KIF1B: variants seen among roughly 807,000 people sequenced by gnomAD.
KIF1B encodes kinesin family member 1B.
KIF1B carries 76 observed loss-of-function variants against 241.9 expected under a neutral mutation model. The ratio of observed to expected loss-of-function variants is 0.31; its 90% CI spans 0.26 to 0.38. The LOEUF (loss-of-function observed/expected upper bound fraction) is 0.38. Ranked by LOEUF, KIF1B falls within the 10% of genes least tolerant of loss-of-function variation. KIF1B has a pLI of 1.00. For missense variants in KIF1B, 1,622 were observed against 2,271.4 expected, an observed-to-expected ratio of 0.71 and a Z score of 5.81; for synonymous variants, 750 against 796.7, an observed-to-expected ratio of 0.94 and a Z score of 0.99.
At chr1:10,221,560 G>A (rs539152012) in intron 1 of KIF1B, among the ~76,000 whole-genome samples, 1 of 152,208 alleles carries the variant, frequency 6.6e-6, no homozygotes, top group East Asian at 1.9e-4. Flanking sequence ...TCCATTGTCA[G>A]CAGCACAGTG....
In KIF1B at chr1:10,225,801, G is replaced by A. The variant is rs531124424; in HGVS notation, c.-79-6449G>A. Among the ~76,000 whole-genome samples, 13 of 152,212 alleles carry A rather than the reference G, an allele frequency of 8.5e-5. No homozygotes were observed. In the East Asian group the frequency reaches 2.5e-3, roughly 29 times the overall value. ...GGGCTTGTAAAAATAGGTGGTTTATGTTGCAGAACACTTTGAATGCCATTG... is the reference window on the plus strand; with the variant it reads ...GGGCTTGTAAAAATAGGTGGTTTATATTGCAGAACACTTTGAATGCCATTG... On this transcript the variant is annotated intron_variant, in intron 1 of 48. Coordinates refer to ENST00000676179, the MANE Select transcript of KIF1B (RefSeq NM_001365951.3).
In KIF1B at chr1:10,326,195, C is replaced by T. The variant is rs1557715655; in HGVS notation, c.2760C>T (p.Ile920=). ...CTTTTTCCACGGCCGATTCCGACAT[C>T]ACTGAGCTGGCTGACGAGCAGCAAG... ...SPTFSTADSD[I]TELADEQQDE... Residue 920 remains isoleucine, a synonymous_variant, in exon 27 of 49, where the codon ATC becomes ATT. Transcript: ENST00000676179. This position sits in a 1 kb window ranked among gnomAD's most constrained non-coding sequence, Gnocchi z 5.2. 6.2e-7 allele frequency: 1 copy of T among 1,614,190 alleles called. No homozygotes were observed. The highest frequency in any genetic ancestry group is 1.7e-5 in the Admixed American group (1 of 60,018).
chr1:10,347,570 T>TA (rs1200866789), intron 35 of KIF1B, among the ~76,000 whole-genome samples, 191 bp from the exon 36 acceptor site: 2 of 152,238 alleles, frequency 1.3e-5, no homozygotes, highest in Non-Finnish European at 2.9e-5. Context: ...GTCCTTTGAC[T>TA]ACTCAAGTCT....
At position 10,365,233 on chromosome 1, in the gene KIF1B, G is replaced by C. The variant is rs762452665; in HGVS notation, c.4500G>C (p.Glu1500Asp). The C allele has an allele frequency of 6.2e-7, 1 of 1,614,052 alleles. No homozygotes were observed. The highest frequency in any genetic ancestry group is 1.1e-5 in the South Asian group (1 of 91,082). The change falls in exon 42 of 49, where the codon GAG (glutamate) becomes GAC (aspartate). Residue 1500 changes from glutamate to aspartate, a missense_variant. Physicochemically the swap from Glu to Asp is conservative, Grantham distance 45. Coordinates refer to ENST00000676179, the MANE Select transcript of KIF1B (RefSeq NM_001365951.3). The surrounding 1 kb of genome is among the most constrained non-coding windows in gnomAD (Gnocchi z 4.0). ...ACCAGTGGGAGCTGGAGAAGCTGGA[G>C]CTCCTACATGAGGTATCCAGGGGCA... ...LEHQWELEKL[E>D]LLHEVEKTRH...
At chr1:10,285,714 T>C (rs12120191) in intron 15 of KIF1B, among the ~76,000 whole-genome samples, 51,163 of 151,982 alleles carry the variant, frequency 0.34, 8,770 homozygotes, top group Admixed American at 0.38. Context: ...GGTGAGAATT[T>C]CTTTCGGGCA....
intron 27 of KIF1B, among the ~76,000 whole-genome samples, chr1:10,329,336 G>A (rs1323669733): frequency 6.6e-6 from 1 of 152,120 alleles, no homozygotes; most frequent in Non-Finnish European, 1.5e-5. Flanking sequence ...GTTGTGTAGT[G>A]GTCATTGTAT....
Position 10,326,503 on chromosome 1 carries a change from T to C in KIF1B, c.2924+144T>C. 1 of 1,109,454 alleles carries C rather than the reference T, an allele frequency of 9.0e-7. No individual in the cohort carries two copies. The allele number at this position is 1,109,454 out of a possible 1,614,324, so 68.7% of individuals were successfully genotyped here. ...TCAAGTTCTCCAATACTTCAAGCTC[T>C]TAGTCAGTGCTGGTCTGGCTGAGAT... On this transcript the variant is annotated intron_variant, in intron 27 of 48. Transcript: ENST00000676179. The surrounding 1 kb of genome is among the most constrained non-coding windows in gnomAD (Gnocchi z 5.2).
chr1:10,366,103 C>T (rs1193565196), intron 43 of KIF1B, among the ~76,000 whole-genome samples: 6 of 151,932 alleles, frequency 3.9e-5, no homozygotes, highest in African/African-American at 4.8e-5. Context: ...TGGTGGCGAG[C>T]GCCTGTAATC....
At chr1:10,296,519 C>T in intron 19 of KIF1B, 63 bp from the exon 20 acceptor site, 1 of 1,367,804 alleles carries the variant, frequency 7.3e-7, no homozygotes, top group Non-Finnish European at 1.0e-6. Flanking sequence ...TAAGCAACTG[C>T]TTTCCATTAT....
At chr1:10,275,103 A>T (rs1649029220) in intron 10 of KIF1B, among the ~76,000 whole-genome samples, 1 of 152,144 alleles carries the variant, frequency 6.6e-6, no homozygotes, top group Non-Finnish European at 1.5e-5. Flanking sequence ...AGTTGTAGAA[A>T]AGTGTTTGGG....
intron 1 of KIF1B, among the ~76,000 whole-genome samples, chr1:10,224,293 T>A (rs747006195): frequency 2.6e-5 from 4 of 152,112 alleles, no homozygotes; most frequent in African/African-American, 4.8e-5. Context: ...ATTTTTTGTA[T>A]TTTTAGTAGA....
intron 22 of KIF1B, chr1:10,307,589 C>T (rs1286379018): frequency 5.4e-5 from 54 of 1,000,522 alleles, no homozygotes; most frequent in Non-Finnish European, 6.2e-5. Flanking sequence ...AGATTACAGG[C>T]GTGAGCCACC....
chr1:10,340,465 G>A (rs556461813), intron 32 of KIF1B, among the ~76,000 whole-genome samples: 1 of 152,310 alleles, frequency 6.6e-6, no homozygotes, highest in African/African-American at 2.4e-5. Flanking sequence ...TGTTCTGAGA[G>A]TTTTTGTGTA....
rs1638410249 is a variant in KIF1B, at chr1:10,361,120, G to A, written c.4170+77G>A. 37 of 936,102 alleles carry A rather than the reference G, an allele frequency of 4.0e-5. 2 individuals carry two copies. In the South Asian group the frequency reaches 4.5e-4, roughly 11 times the overall value. 58.0% of individuals were successfully genotyped at this position (936,102 alleles called of 1,614,324 possible). The stretch of plus-strand genomic sequence containing the variant: ...TGCAGGTTACAGCAGGAAGTGGTCA[G>A]CGAAGATTCCACTTGTTTTGTCCTC... On this transcript the variant is annotated intron_variant, in intron 39 of 48. Transcript: ENST00000676179.
intron 1 of KIF1B, among the ~76,000 whole-genome samples, chr1:10,214,302 T>C (rs1646733379): frequency 6.6e-6 from 1 of 152,048 alleles, no homozygotes; most frequent in African/African-American, 2.4e-5. Flanking sequence ...TTTCTTTTTT[T>C]TTTTTAAGAC....
chr1:10,282,242 T>A, intron 14 of KIF1B, 80 bp from the exon 15 acceptor site: 1 of 1,130,770 alleles, frequency 8.8e-7, no homozygotes. Context: ...TACAACGATA[T>A]TCCTTCCTGT....
At position 10,378,455 on chromosome 1, in the gene KIF1B, T is replaced by C. The variant is rs1638944543; in HGVS notation, c.*1868T>C. 1.4e-6 allele frequency: 1 copy of C among 717,620 alleles called. No homozygotes were observed. Among genetic ancestry groups the C allele is most frequent in the Non-Finnish European group, 2.6e-6 (1 of 385,140 alleles). 44.5% of individuals were successfully genotyped at this position (717,620 alleles called of 1,614,324 possible). On this transcript the variant is annotated 3_prime_UTR_variant, in exon 49 of 49. Coordinates refer to ENST00000676179, the MANE Select transcript of KIF1B (RefSeq NM_001365951.3). ...AAGCCTCCAGTGACTTCAGTTGCTT[T>C]GCCAGTTGTCTTGGGATTGTTTTAC...
At chr1:10,236,064 A>T (rs1205203809) in intron 2 of KIF1B, among the ~76,000 whole-genome samples, 1 of 151,922 alleles carries the variant, frequency 6.6e-6, no homozygotes, top group Non-Finnish European at 1.5e-5. Flanking sequence ...CGAGGTCAGA[A>T]GTTTTGAGAC....
intron 2 of KIF1B, among the ~76,000 whole-genome samples, chr1:10,249,221 G>C (rs946502): frequency 0.34 from 51,302 of 151,908 alleles, 8,816 homozygotes; most frequent in Admixed American, 0.38. Context: ...TATGTGCATG[G>C]TTTCTGTGAA....
Sources: gnomAD v4.1 joint callset for allele counts (sites outside exome capture counted in the v4.1 genomes callset) on GRCh38, gnomAD v4.1.1 for gene constraint, Gnocchi (gnomAD v3.1) non-coding constraint, MANE v1.5 for transcripts, NCBI Gene and HGNC (gene_info 2026-07-23, HGNC 2026-07-21) for gene names.